Variants in TTC39C observed in about 807,000 individuals in gnomAD.
The protein encoded by TTC39C is tetratricopeptide repeat protein 39C.
Under a neutral mutation model 76.3 loss-of-function variants are expected in TTC39C, and 33 were observed. The observed-to-expected ratio is 0.43, with a 90% CI of 0.33 to 0.58. TTC39C has a LOEUF of 0.58. Among genes scored for constraint, TTC39C ranks in the 20% least tolerant of loss-of-function variants. TTC39C has a pLI of 0.04. For missense variants in TTC39C, 595 were observed against 701.4 expected, an observed-to-expected ratio of 0.85 and a Z score of 1.71; for synonymous variants, 254 against 260.6, an observed-to-expected ratio of 0.97 and a Z score of 0.24.
intron 1 of TTC39C, among the ~76,000 whole-genome samples, chr18:24,024,798 G>A (rs191510184): frequency 4.3e-4 from 65 of 152,298 alleles, no homozygotes; most frequent in Admixed American, 4.2e-3. Flanking sequence ...AGTGGCAACC[G>A]ACTCCTGAGG....
At chr18:24,045,918 T>C (rs1395056263) in intron 1 of TTC39C, among the ~76,000 whole-genome samples, 10 of 33,462 alleles carry the variant, frequency 3.0e-4, no homozygotes, top group African/African-American at 1.5e-3. Context: ...TATATATATA[T>C]ATATATATAT....
At chr18:24,120,049 T>C (rs1174370226) in intron 8 of TTC39C, among the ~76,000 whole-genome samples, 1 of 151,336 alleles carries the variant, frequency 6.6e-6, no homozygotes, top group Non-Finnish European at 1.5e-5. Flanking sequence ...TGTTCCTGCA[T>C]TGGGATTTTG....
chr18:24,040,096 C>T (rs8098641), intron 1 of TTC39C, among the ~76,000 whole-genome samples: 11,438 of 152,172 alleles, frequency 0.075, 884 homozygotes, highest in African/African-American at 0.2. Flanking sequence ...GAGGAGTAAT[C>T]GGAGGCCTCT....
chr18:24,052,707 T>C (rs1040769478), intron 1 of TTC39C, among the ~76,000 whole-genome samples: 10 of 152,326 alleles, frequency 6.6e-5, no homozygotes, highest in African/African-American at 2.2e-4. Context: ...TCCTAGTTAT[T>C]TGGCTTGGAA....
intron 4 of TTC39C, among the ~76,000 whole-genome samples, chr18:24,077,588 C>T (rs1047418480): frequency 2.6e-5 from 4 of 152,070 alleles, no homozygotes; most frequent in African/African-American, 9.7e-5. Context: ...CGGGATTGGA[C>T]AATGTTTTAT....
intron 1 of TTC39C, chr18:24,020,333 TAGG>T (rs1361573262): frequency 5.1e-6 from 5 of 987,952 alleles, no homozygotes; most frequent in South Asian, 9.3e-5. Context: ...TGTAGAATAA[TAGG>T]AGAGTTTGGA....
intron 1 of TTC39C, among the ~76,000 whole-genome samples, chr18:24,041,100 A>G (rs1162355140): frequency 6.6e-6 from 1 of 152,154 alleles, no homozygotes; most frequent in Non-Finnish European, 1.5e-5. Context: ...GAATGGAAGT[A>G]TTTCCTTCTG....
rs1315768359 is a variant in TTC39C, at chr18:24,080,707, G to C, written c.583G>C (p.Asp195His). The change falls in exon 5 of 14, where the codon GAT (aspartate) becomes CAT (histidine). Residue 195 changes from aspartate (D) to histidine (H), a missense_variant. By Grantham distance (81) the Asp-to-His change is moderately conservative. Coordinates refer to ENST00000317571, the MANE Select transcript of TTC39C (RefSeq NM_001135993.2). The part of the protein sequence containing the change: ...KKLTEESLTS[D>H]AANDNHIVAE... The stretch of plus-strand genomic sequence containing the variant: ...GCTAACTGAAGAGTCCTTGACTTCT[G>C]ATGCTGCAAATGATAATCACATTGT... 8 of 1,614,028 alleles carry C rather than the reference G, an allele frequency of 5.0e-6. No homozygotes were observed. Among genetic ancestry groups the C allele is most frequent in the Non-Finnish European group, 6.8e-6 (8 of 1,180,006 alleles).
At chr18:24,065,061 C>A (rs1294944336) in intron 2 of TTC39C, among the ~76,000 whole-genome samples, 2 of 152,208 alleles carry the variant, frequency 1.3e-5, no homozygotes, top group Non-Finnish European at 2.9e-5. Flanking sequence ...CGAATGAGAT[C>A]TAACCAAAGG....
chr18:23,999,521 C>T (rs940602262), intron 1 of TTC39C, among the ~76,000 whole-genome samples: 2 of 152,228 alleles, frequency 1.3e-5, no homozygotes, highest in Non-Finnish European at 2.9e-5. Context: ...ACCTTTTAAA[C>T]AGTGGCAAAG....
intron 1 of TTC39C, among the ~76,000 whole-genome samples, chr18:24,063,907 G>C (rs540227331): frequency 1.3e-5 from 2 of 152,202 alleles, no homozygotes; most frequent in East Asian, 3.9e-4. Flanking sequence ...TTGACTTTTT[G>C]TTTGCCTTGC....
chr18:24,043,388 A>G (rs79996210), intron 1 of TTC39C, among the ~76,000 whole-genome samples: 3,776 of 152,236 alleles, frequency 0.025, 145 homozygotes, highest in African/African-American at 0.085. Flanking sequence ...AATCAGTGAC[A>G]CCATTCTTTT....
rs2083711857 is a variant in TTC39C at position 24,034,639 on chromosome 18, C to T, written c.167+19601C>T. Among the ~76,000 whole-genome samples the T allele has an allele frequency of 5.4e-5, 4 of 73,704 alleles. No homozygotes were observed. The South Asian group carries it at 1.1e-3, about 20-fold the overall frequency. 48.4% of individuals were successfully genotyped at this position (73,704 alleles called of 152,430 possible). ...TTGTACCCATTAAACAATAATTTCC[C>T]ATTTCTCCCTAGCCCCAGCAACTGC... On this transcript the variant is annotated intron_variant, in intron 1 of 13. Coordinates refer to ENST00000317571, the MANE Select transcript of TTC39C (RefSeq NM_001135993.2).
At chr18:24,121,502 C>T (rs2084968315) in intron 8 of TTC39C, among the ~76,000 whole-genome samples, 1 of 152,080 alleles carries the variant, frequency 6.6e-6, no homozygotes, top group Non-Finnish European at 1.5e-5. Flanking sequence ...TTGCTTGAAC[C>T]CAGGAGGCAG....
chr18:24,032,257 A>G (rs1015292148), intron 1 of TTC39C, among the ~76,000 whole-genome samples: 1 of 152,196 alleles, frequency 6.6e-6, no homozygotes, highest in Non-Finnish European at 1.5e-5. Context: ...GTTTATGGTA[A>G]TTTATTACAA....
chr18:24,092,871 GC>G (rs898396483), intron 6 of TTC39C, among the ~76,000 whole-genome samples: 2 of 152,052 alleles, frequency 1.3e-5, no homozygotes, highest in African/African-American at 4.8e-5. Context: ...GACCAGTTGA[GC>G]CCAGAAGTTT....
intron 11 of TTC39C, among the ~76,000 whole-genome samples, 161 bp downstream of exon 11, chr18:24,129,144 T>G (rs1568448425): frequency 6.6e-6 from 1 of 152,236 alleles, no homozygotes; most frequent in African/African-American, 2.4e-5. Flanking sequence ...ATGCTAGAAG[T>G]TGATGATGGT....
At chr18:24,061,646 G>C (rs938075489) in intron 1 of TTC39C, among the ~76,000 whole-genome samples, 2 of 144,566 alleles carry the variant, frequency 1.4e-5, no homozygotes, top group African/African-American at 2.5e-5. Flanking sequence ...GCTCACACCA[G>C]TAATCCCAGC....
intron 4 of TTC39C, among the ~76,000 whole-genome samples, chr18:24,076,643 C>T (rs139063253): frequency 1.8e-3 from 272 of 152,002 alleles, no homozygotes; most frequent in Non-Finnish European, 3.0e-3. Flanking sequence ...CCAAGTTGGA[C>T]GCAGAATGTA....
Sources: gnomAD v4.1 joint callset for allele counts (sites outside exome capture counted in the v4.1 genomes callset) on GRCh38, gnomAD v4.1.1 for gene constraint, MANE v1.5 for transcripts, NCBI Gene and HGNC (gene_info 2026-07-23, HGNC 2026-07-21) for gene names.